The following SRPRA variants were observed in gnomAD, a reference collection of about 807,000 sequenced individuals.
SRPRA encodes SRP receptor subunit alpha.
Under a neutral mutation model 61.1 loss-of-function variants are expected in SRPRA, and 30 were observed. That is an observed-to-expected ratio of 0.49 (90% CI 0.37 to 0.67). SRPRA has a LOEUF of 0.67. SRPRA is among the 30% of genes least tolerant of loss of function. SRPRA has a pLI of 0.00. For synonymous variants in SRPRA, 324 were observed against 299.7 expected, an observed-to-expected ratio of 1.08 and a Z score of -0.84; for missense variants, 759 against 828.4, an observed-to-expected ratio of 0.92 and a Z score of 1.03.
At position 126,265,928 on chromosome 11, in the gene SRPRA, C is replaced by A; in HGVS notation, c.1051+35G>T. 1 of 1,611,792 alleles carries A rather than the reference C, an allele frequency of 6.2e-7. No individual in the cohort carries two copies. The highest frequency in any genetic ancestry group is 8.5e-7 in the Non-Finnish European group (1 of 1,177,886). ...ATTCTGCTCTCAACTACCCCTATCC[C>A]GCGAGTATGAGTCAGCCCGGTCCTC... On this transcript the variant is annotated intron_variant, in intron 8 of 13. Transcript: ENST00000332118. The surrounding 1 kb of genome is among the most constrained non-coding windows in gnomAD (Gnocchi z 6.3).
At chr11:126,256,205 G>T in the SRPRA span, among the ~76,000 whole-genome samples, 1 of 152,210 alleles carries the variant, frequency 6.6e-6, no homozygotes, top group Non-Finnish European at 1.5e-5. This position sits in a 1 kb window ranked among gnomAD's most constrained non-coding sequence, Gnocchi z 6.6. Flanking sequence ...GGTGGAGGTT[G>T]CAGTAAGCCG....
At position 126,268,105 on chromosome 11, in the gene SRPRA, TCA is replaced by T. The variant is rs780751277; in HGVS notation, c.118-21_118-20del. The T allele has an allele frequency of 1.1e-5, 18 of 1,611,696 alleles. No individual in the cohort carries two copies. In the South Asian group the frequency reaches 2.0e-4, roughly 18 times the overall value. ...CCCGTTCCTGGAGAAAGAGTATGTC[TCA>T]GTGTTCAGACTATCCCCAGAAAACC... On this transcript the variant is annotated intron_variant, in intron 1 of 13. Transcript: ENST00000332118.
Position 126,266,515 on chromosome 11 carries a change from A to G in SRPRA, c.801T>C (p.Asn267=), listed in dbSNP as rs1950813079. The G allele has an allele frequency of 1.9e-6, 3 of 1,614,038 alleles. No individual in the cohort carries two copies. In the African/African-American group the frequency reaches 4.0e-5, roughly 22 times the overall value. ...EVLDYSTPTT[N]GTPEAALSED... is the part of the protein sequence containing the mutation. The stretch of plus-strand genomic sequence containing the variant: ...CAGACAAGGCAGCCTCAGGGGTTCC[A>G]TTGGTGGTGGGAGTACTGTAATCCA... The change falls in exon 6 of 14, where the codon AAT becomes AAC. Residue 267 remains asparagine (N), a synonymous_variant. Coordinates refer to ENST00000332118, the MANE Select transcript of SRPRA (RefSeq NM_003139.4).
the SRPRA span, among the ~76,000 whole-genome samples, chr11:126,236,492 T>A: frequency 6.6e-6 from 1 of 152,214 alleles, no homozygotes; most frequent in Non-Finnish European, 1.5e-5. Context: ...TTTGTTGTTG[T>A]TGTTGTTCAT....
At chr11:126,261,835 T>G (rs149080794), downstream of SRPRA, among the ~76,000 whole-genome samples, 1 of 152,022 alleles carries the variant, frequency 6.6e-6, no homozygotes, top group East Asian at 1.9e-4. Context: ...CAAAAAAAAT[T>G]TTTTTAAATT....
chr11:126,254,486 CTAAA>C, the SRPRA span: 3 of 1,603,884 alleles, frequency 1.9e-6, no homozygotes, highest in Non-Finnish European at 2.6e-6. Context: ...GGAAATCTCT[CTAAA>C]TATGCCATAG....
the SRPRA span, chr11:126,256,821 G>A: frequency 1.2e-6 from 2 of 1,613,560 alleles, no homozygotes; most frequent in Non-Finnish European, 1.7e-6. This position sits in a 1 kb window ranked among gnomAD's most constrained non-coding sequence, Gnocchi z 6.6. Flanking sequence ...TCAAGCGACT[G>A]ACATGTGAGA....
At position 126,266,082 on chromosome 11, in the gene SRPRA, C is replaced by A; in HGVS notation, c.933-1G>T. ...GCCACCCAGTGTTCCCTTGGTCGCA[C>A]TGCAGGGACAGGAGATTACACATAC... On this transcript the variant is annotated splice_acceptor_variant, in intron 7 of 13. Transcript: ENST00000332118. LOFTEE classifies it high-confidence loss of function. 3 of 1,614,026 alleles carry A rather than the reference C, an allele frequency of 1.9e-6. No homozygotes were observed. The highest frequency in any genetic ancestry group is 2.5e-6 in the Non-Finnish European group (3 of 1,179,914).
At position 126,264,312 on chromosome 11, in the gene SRPRA, G is replaced by A. The variant is rs769864117; in HGVS notation, c.1690-23C>T. 4.3e-6 allele frequency: 7 copies of A among 1,613,406 alleles called. No homozygotes were observed. In the Admixed American group the frequency reaches 5.0e-5, roughly 12 times the overall value. ...GACCTGGAAAGAAAAAGTGATAGAA[G>A]TGTAAGAACCATCTAAATTGACCAA... On this transcript the variant is annotated intron_variant, in intron 12 of 13. Transcript: ENST00000332118. This position sits in a 1 kb window ranked among gnomAD's most constrained non-coding sequence, Gnocchi z 5.0.
downstream of SRPRA, chr11:126,262,425 A>G (rs1173079007): frequency 2.1e-5 from 9 of 424,374 alleles, 1 homozygote; most frequent in Admixed American, 4.1e-5. Context: ...CAGCACACCA[A>G]TGTGATACTT....
At position 126,265,416 on chromosome 11, in the gene SRPRA, G is replaced by A; in HGVS notation, c.1163C>T (p.Ala388Val). 6.2e-7 allele frequency: 1 copy of A among 1,613,348 alleles called. No individual in the cohort carries two copies. Among genetic ancestry groups the A allele is most frequent in the Non-Finnish European group, 8.5e-7 (1 of 1,179,702 alleles). Residue 388 changes from alanine to valine, a missense_variant, in exon 10 of 14, where the codon GCC (alanine) becomes GTC (valine). This residue lies in a region of SRPRA where 284 missense variants were observed against 365.9 expected (regional missense o/e 0.78). Transcript: ENST00000332118. This position sits in a 1 kb window ranked among gnomAD's most constrained non-coding sequence, Gnocchi z 6.3. ...AATCTGCACCAGGGACTCCTGTAGG[G>A]CTTGCTTTACTGTGGAAGTCACCGC... Reference protein sequence around the residue: ...FSTVTSTVKQALQESLVQILQ... With the variant: ...FSTVTSTVKQVLQESLVQILQ...
chr11:126,264,636 C>CT lies in SRPRA; in HGVS notation c.1526-98dup. 7.2e-7 allele frequency: 1 copy of CT among 1,395,950 alleles called. No individual in the cohort carries two copies. The highest frequency in any genetic ancestry group is 1.4e-5 in the African/African-American group (1 of 69,528). The allele number at this position is 1,395,950 out of a possible 1,614,324, so 86.5% of individuals were successfully genotyped here. On this transcript the variant is annotated intron_variant, in intron 11 of 13. Transcript: ENST00000332118. This position sits in a 1 kb window ranked among gnomAD's most constrained non-coding sequence, Gnocchi z 5.0. ...AAGTCCTAGTTTGACTACCTGTTCA[C>CT]TGTCTTGGGCTCTGGATTTGGTTCC...
chr11:126,268,372 A>G (rs933443955), intron 1 of SRPRA, among the ~76,000 whole-genome samples: 7 of 152,230 alleles, frequency 4.6e-5, no homozygotes, highest in Non-Finnish European at 8.8e-5. Flanking sequence ...AGTTTTGTAA[A>G]GGTGTTTTCC....
At chr11:126,254,516 ATCT>A in the SRPRA span, 11 of 1,547,102 alleles carry the variant, frequency 7.1e-6, no homozygotes, top group African/African-American at 2.7e-5. Flanking sequence ...AAAGGGGAAC[ATCT>A]TCTTTTCATT....
downstream of SRPRA, among the ~76,000 whole-genome samples, chr11:126,259,216 A>C (rs1244496453): frequency 3.9e-5 from 6 of 152,332 alleles, no homozygotes; most frequent in African/African-American, 1.4e-4. Context: ...ATGAGAGGTT[A>C]CAGGTCTTTT....
chr11:126,264,686 T>C lies in SRPRA; in HGVS notation c.1526-147A>G, dbSNP rs1261651700. ...CAAGGTAATGTGAGAAAAACTTGAT[T>C]ATATGCTTGGCCATCACCAAACATA... On this transcript the variant is annotated intron_variant, in intron 11 of 13. Coordinates refer to ENST00000332118, the MANE Select transcript of SRPRA (RefSeq NM_003139.4). The surrounding 1 kb of genome is among the most constrained non-coding windows in gnomAD (Gnocchi z 5.0). 2.1e-5 allele frequency: 20 copies of C among 970,070 alleles called. No individual in the cohort carries two copies. The highest frequency in any genetic ancestry group is 2.5e-5 in the Non-Finnish European group (17 of 671,960). 60.1% of individuals were successfully genotyped at this position (970,070 alleles called of 1,614,324 possible). A position where few individuals can be genotyped will look rare whatever the true frequency, so the allele number is the denominator to read the frequency against.
chr11:126,261,206 C>G (rs2135227645), downstream of SRPRA: 1 of 558,254 alleles, frequency 1.8e-6, no homozygotes, highest in South Asian at 2.4e-5. Context: ...AATCGTAGTG[C>G]ACTGTGGAAA....
the SRPRA span, among the ~76,000 whole-genome samples, chr11:126,257,588 T>G: frequency 6.7e-6 from 1 of 149,138 alleles, no homozygotes; most frequent in Non-Finnish European, 1.5e-5. Context: ...GTCAGCTATA[T>G]TCATATAGAA....
chr11:126,266,640 T>TTA lies in SRPRA; in HGVS notation c.687-13_687-12dup, dbSNP rs1230329777. On this transcript the variant is annotated splice_polypyrimidine_tract_variant and intron_variant, in intron 5 of 13. Coordinates refer to ENST00000332118, the MANE Select transcript of SRPRA (RefSeq NM_003139.4). The stretch of plus-strand genomic sequence containing the variant: ...GACTTCGTGGACTTGCTGCAACAGG[T>TTA]TATGATACAAAGAGTTATGGTGGAG... 6.8e-6 allele frequency: 11 copies of TTA among 1,613,326 alleles called. No individual in the cohort carries two copies. Among genetic ancestry groups the TTA allele is most frequent in the African/African-American group, 1.3e-5 (1 of 74,896 alleles).
Sources: allele counts gnomAD v4.1 joint callset (sites outside exome capture counted in the v4.1 genomes callset), GRCh38; gene constraint gnomAD v4.1.1; regional missense constraint gnomAD v4.1.1; non-coding constraint Gnocchi (gnomAD v3.1); transcripts MANE v1.5; gene names NCBI Gene and HGNC (gene_info 2026-07-23, HGNC 2026-07-21).